MEF2A: variants seen among roughly 807,000 people sequenced by gnomAD.
The protein encoded by MEF2A is myocyte-specific enhancer factor 2A.
In MEF2A, 28 loss-of-function variants were observed where a neutral mutation model predicts 55.8. The observed-to-expected ratio is 0.50, with a 90% CI of 0.37 to 0.69. MEF2A has a LOEUF of 0.69. Ranked by LOEUF, MEF2A falls within the 30% of genes least tolerant of loss-of-function variation. MEF2A has a pLI of 0.00. For missense variants in MEF2A, 528 were observed against 626.2 expected (o/e 0.84, Z 1.67); for synonymous variants, 239 against 227.1 (o/e 1.05, Z -0.47).
intron 4 of MEF2A, among the ~76,000 whole-genome samples, chr15:99,663,516 A>G (rs1455961283): frequency 1.3e-5 from 2 of 151,760 alleles, no homozygotes; most frequent in Non-Finnish European, 2.9e-5. Context: ...TTTTCCATGG[A>G]AGTTTTTATG....
chr15:99,597,430 C>G (rs1375489029), intron 1 of MEF2A, among the ~76,000 whole-genome samples: 1 of 152,106 alleles, frequency 6.6e-6, no homozygotes, highest in African/African-American at 2.4e-5. Context: ...ATCTCAAAAC[C>G]CTGTCTCCTG....
intron 2 of MEF2A, among the ~76,000 whole-genome samples, chr15:99,613,165 C>T (rs371008417): frequency 1.1e-4 from 16 of 152,158 alleles, no homozygotes; most frequent in African/African-American, 3.4e-4. Context: ...CGTACATCAT[C>T]GTAATCTGTG....
intron 4 of MEF2A, among the ~76,000 whole-genome samples, chr15:99,661,673 C>T (rs1025346385): frequency 1.3e-5 from 2 of 151,708 alleles, no homozygotes; most frequent in Non-Finnish European, 1.5e-5. Context: ...CAAATTAAAT[C>T]CCACAGGTAG....
chr15:99,622,766 G>C (rs914711561), intron 2 of MEF2A, among the ~76,000 whole-genome samples: 1 of 144,114 alleles, frequency 6.9e-6, no homozygotes, highest in Non-Finnish European at 1.5e-5. Context: ...GCAGTGGCGT[G>C]ATCTTGGCTC....
At position 99,645,551 on chromosome 15, in the gene MEF2A, T is replaced by C; in HGVS notation, c.55-10T>C. The stretch of plus-strand genomic sequence containing the variant: ...GCTTTTAATAAAAATATACCTTTTT[T>C]ATTGTTTAGGTCACTTTTACAAAGA... On this transcript the variant is annotated splice_polypyrimidine_tract_variant and intron_variant, in intron 3 of 11. Coordinates refer to ENST00000557942, the MANE Select transcript of MEF2A (RefSeq NM_001319206.4). The C allele has an allele frequency of 6.3e-7, 1 of 1,594,862 alleles. No individual in the cohort carries two copies. Among genetic ancestry groups the C allele is most frequent in the Non-Finnish European group, 8.6e-7 (1 of 1,166,038 alleles).
At chr15:99,594,526 C>T (rs1023969889) in intron 1 of MEF2A, among the ~76,000 whole-genome samples, 1 of 145,728 alleles carries the variant, frequency 6.9e-6, no homozygotes, top group East Asian at 2.0e-4. Flanking sequence ...CATCATTGAC[C>T]GTTGGTAATC....
chr15:99,712,558 C>T lies in MEF2A; in HGVS notation c.1305C>T (p.Pro435=), dbSNP rs771401507. ...QQQQPPPPPQ[P]QPQPPQPQPR... is the part of the protein sequence containing the mutation. ...AGCAGCCGCCGCCACCACCGCAGCCCCAGCCACAACCCCCGCAGCCCCAGC... is the reference window on the plus strand; with the variant it reads ...AGCAGCCGCCGCCACCACCGCAGCCTCAGCCACAACCCCCGCAGCCCCAGC... The change falls in exon 12 of 12, where the codon CCC becomes CCT. Residue 435 remains proline (P), a synonymous_variant. Coordinates refer to ENST00000557942, the MANE Select transcript of MEF2A (RefSeq NM_001319206.4). This position sits in a 1 kb window ranked among gnomAD's most constrained non-coding sequence, Gnocchi z 4.1. 29 of 1,550,416 alleles carry T rather than the reference C, an allele frequency of 1.9e-5. No homozygotes were observed. In the African/African-American group the frequency reaches 2.6e-4, roughly 14 times the overall value.
At chr15:99,577,001 G>A (rs1217768699) in intron 1 of MEF2A, among the ~76,000 whole-genome samples, 1 of 152,162 alleles carries the variant, frequency 6.6e-6, no homozygotes, top group African/African-American at 2.4e-5. Flanking sequence ...TGAAATTAAA[G>A]TATATAATTA....
At chr15:99,637,519 CTTAAGT>C (rs2044092341) in intron 3 of MEF2A, among the ~76,000 whole-genome samples, 1 of 152,110 alleles carries the variant, frequency 6.6e-6, no homozygotes, top group Non-Finnish European at 1.5e-5. Flanking sequence ...CATGGTAACT[CTTAAGT>C]TTAACATTTT....
intron 7 of MEF2A, among the ~76,000 whole-genome samples, chr15:99,687,493 C>G (rs2054517978): frequency 6.6e-6 from 1 of 152,102 alleles, no homozygotes; most frequent in African/African-American, 2.4e-5. Context: ...TCTGATGGTC[C>G]CTGAAGCTGT....
At chr15:99,694,579 C>T (rs2056122612) in intron 8 of MEF2A, among the ~76,000 whole-genome samples, 1 of 152,186 alleles carries the variant, frequency 6.6e-6, no homozygotes, top group African/African-American at 2.4e-5. Context: ...ATCGTCATAA[C>T]TATTGCTGAT....
chr15:99,667,407 G>A (rs1165746097), intron 4 of MEF2A, among the ~76,000 whole-genome samples: 1 of 152,004 alleles, frequency 6.6e-6, no homozygotes, highest in African/African-American at 2.4e-5. Context: ...TGTATTTTTA[G>A]TAGAGACGGG....
At chr15:99,628,192 C>A (rs2042345346) in intron 2 of MEF2A, among the ~76,000 whole-genome samples, 1 of 152,122 alleles carries the variant, frequency 6.6e-6, no homozygotes. Context: ...CCTTCTATAT[C>A]TATCCATGCA....
intron 8 of MEF2A, among the ~76,000 whole-genome samples, chr15:99,697,235 A>G (rs548228345): frequency 6.6e-6 from 1 of 152,212 alleles, no homozygotes; most frequent in South Asian, 2.1e-4. Context: ...AGTCCTAGCC[A>G]GTACAGTTAG....
chr15:99,574,678 T>TTA, intron 1 of MEF2A, among the ~76,000 whole-genome samples: 1 of 152,180 alleles, frequency 6.6e-6, no homozygotes, highest in Admixed American at 6.5e-5. Flanking sequence ...CAGGTGGTAA[T>TTA]GCAAGCGACG....
At chr15:99,653,567 G>T (rs2047202275) in intron 4 of MEF2A, among the ~76,000 whole-genome samples, 1 of 152,172 alleles carries the variant, frequency 6.6e-6, no homozygotes, top group African/African-American at 2.4e-5. Flanking sequence ...GTGTTTCACT[G>T]ATTGTGTATG....
chr15:99,701,636 A>G (rs894711855), intron 8 of MEF2A, among the ~76,000 whole-genome samples: 4 of 152,224 alleles, frequency 2.6e-5, no homozygotes, highest in East Asian at 1.9e-4. Flanking sequence ...GATGTTAACA[A>G]TGTGGAAAGC....
intron 8 of MEF2A, among the ~76,000 whole-genome samples, chr15:99,694,276 T>A (rs1371716029): frequency 6.6e-6 from 1 of 152,232 alleles, no homozygotes; most frequent in Non-Finnish European, 1.5e-5. Context: ...TTGGTTTGAC[T>A]GAGGTAGGCC....
intron 1 of MEF2A, among the ~76,000 whole-genome samples, chr15:99,594,459 CTTTTT>C (rs67846200): frequency 4.0e-5 from 5 of 124,362 alleles, no homozygotes; most frequent in East Asian, 2.3e-4. Context: ...TCCTTTCTTT[CTTTTT>C]TTTTTTTTTT....
Sources: gnomAD v4.1 joint callset for allele counts (sites outside exome capture counted in the v4.1 genomes callset) on GRCh38, gnomAD v4.1.1 for gene constraint, Gnocchi (gnomAD v3.1) non-coding constraint, MANE v1.5 for transcripts, NCBI Gene and HGNC (gene_info 2026-07-23, HGNC 2026-07-21) for gene names.